The following RAB3C variants were observed in gnomAD, a reference collection of about 807,000 sequenced individuals.
RAB3C encodes the protein RAB3C, member RAS oncogene family, also known as ras-related protein Rab-3C.
Under a neutral mutation model 26.4 loss-of-function variants are expected in RAB3C, and 17 were observed. The observed-to-expected ratio is 0.64, with a 90% confidence interval of 0.44 to 0.97. RAB3C has a LOEUF of 0.97. Ranked by LOEUF, RAB3C falls within the 50% of genes least tolerant of loss-of-function variation. The probability of loss-of-function intolerance (pLI) is 0.00; values close to 1 mark genes in which losing one functional copy is unlikely to be tolerated. For missense variants in RAB3C, 242 were observed against 281.9 expected (o/e 0.86, Z 1.01); for synonymous variants, 91 against 95.9 (o/e 0.95, Z 0.30).
chr5:58,757,803 C>T (rs1159704426), intron 3 of RAB3C, among the ~76,000 whole-genome samples: 1 of 152,208 alleles, frequency 6.6e-6, no homozygotes, highest in Non-Finnish European at 1.5e-5. Context: ...CTTGCCTGAT[C>T]TGATCTTTAA....
At chr5:58,650,853 A>C (rs149427861) in intron 2 of RAB3C, among the ~76,000 whole-genome samples, 2 of 152,340 alleles carry the variant, frequency 1.3e-5, no homozygotes, top group African/African-American at 4.8e-5. Context: ...TCCGGTAAGA[A>C]AATATACAAG....
chr5:58,850,160 A>G (rs1428131744), intron 4 of RAB3C, among the ~76,000 whole-genome samples: 1 of 152,200 alleles, frequency 6.6e-6, no homozygotes, highest in Admixed American at 6.5e-5. Flanking sequence ...AATGCAAACA[A>G]TAGAGTGATA....
At position 58,664,771 on chromosome 5, in the gene RAB3C, C is replaced by G. The variant is rs180707512; in HGVS notation, c.252+46901C>G. Among the ~76,000 whole-genome samples, 8 of 152,022 alleles carry G rather than the reference C, an allele frequency of 5.3e-5. No individual in the cohort carries two copies. The East Asian group carries it at 1.5e-3, about 29-fold the overall frequency. ...CTCCTGCAAACCATCTAGTAGCTTC[C>G]CATAATATACTAAGAATCCAAAACT... is the stretch of plus-strand genomic sequence containing the variant. On this transcript the variant is annotated intron_variant, in intron 2 of 4. Coordinates refer to ENST00000282878, the MANE Select transcript of RAB3C (RefSeq NM_138453.4).
chr5:58,642,420 C>T (rs1233213829), intron 2 of RAB3C, among the ~76,000 whole-genome samples: 1 of 152,196 alleles, frequency 6.6e-6, no homozygotes, highest in East Asian at 1.9e-4. Context: ...CGACTACTCT[C>T]CTCACATTCA....
At chr5:58,829,671 A>C (rs1579942364) in intron 4 of RAB3C, among the ~76,000 whole-genome samples, 1 of 152,316 alleles carries the variant, frequency 6.6e-6, no homozygotes, top group East Asian at 1.9e-4. Context: ...TTTCTTCCTA[A>C]AACAAGTAAC....
chr5:58,778,041 G>A (rs1328563378), intron 3 of RAB3C, among the ~76,000 whole-genome samples: 2 of 152,044 alleles, frequency 1.3e-5, no homozygotes, highest in African/African-American at 4.8e-5. Flanking sequence ...GTGCTCATTT[G>A]ATGTTTGATG....
intron 2 of RAB3C, among the ~76,000 whole-genome samples, chr5:58,634,676 TA>T (rs1222633871): frequency 6.6e-6 from 1 of 152,202 alleles, no homozygotes; most frequent in Non-Finnish European, 1.5e-5. Flanking sequence ...ATAAAACTAC[TA>T]AATCAGAGTG....
At chr5:58,758,102 C>T (rs1019859829) in intron 3 of RAB3C, among the ~76,000 whole-genome samples, 15 of 152,166 alleles carry the variant, frequency 9.9e-5, no homozygotes, top group African/African-American at 9.6e-5. Context: ...CCACCACGCC[C>T]GGCTAATTTT....
chr5:58,647,241 T>G (rs1747539354), intron 2 of RAB3C, among the ~76,000 whole-genome samples: 1 of 152,150 alleles, frequency 6.6e-6, no homozygotes, highest in South Asian at 2.1e-4. Context: ...GTAATTTTAT[T>G]AAGGAAAAAG....
At chr5:58,784,848 G>A (rs1216004006) in intron 3 of RAB3C, 1 of 152,210 alleles carries the variant, frequency 6.6e-6, no homozygotes, top group Non-Finnish European at 1.5e-5. Context: ...CAGATCTAAA[G>A]GAAAGCACGG....
At chr5:58,652,816 A>G (rs1206499723) in intron 2 of RAB3C, among the ~76,000 whole-genome samples, 2 of 152,044 alleles carry the variant, frequency 1.3e-5, no homozygotes, top group Non-Finnish European at 2.9e-5. Flanking sequence ...AGTATTTGGA[A>G]GGATACTATT....
intron 2 of RAB3C, among the ~76,000 whole-genome samples, chr5:58,646,630 G>T (rs1747526323): frequency 6.6e-6 from 1 of 152,158 alleles, no homozygotes. Context: ...GGTGGGGAGT[G>T]CTGTACGTGG....
chr5:58,737,211 G>A (rs184381926), intron 3 of RAB3C, among the ~76,000 whole-genome samples: 143 of 151,702 alleles, frequency 9.4e-4, no homozygotes, highest in African/African-American at 3.3e-3. Context: ...CTACCTGGAA[G>A]TTTTTTCCCT....
chr5:58,693,987 G>C (rs569418774), intron 2 of RAB3C, among the ~76,000 whole-genome samples: 92 of 152,094 alleles, frequency 6.0e-4, no homozygotes, highest in African/African-American at 2.1e-3. Context: ...CAACATGCAG[G>C]TTTGATACGT....
chr5:58,796,595 T>C (rs1391105329), intron 3 of RAB3C, among the ~76,000 whole-genome samples: 2 of 152,116 alleles, frequency 1.3e-5, no homozygotes, highest in Non-Finnish European at 1.5e-5. Flanking sequence ...GGCAGGAATA[T>C]AAAAATGGGA....
chr5:58,663,562 C>G (rs1245015467), intron 2 of RAB3C, among the ~76,000 whole-genome samples: 1 of 150,086 alleles, frequency 6.7e-6, no homozygotes, highest in African/African-American at 2.5e-5. Context: ...AAGATTTATT[C>G]AAATGTAACT....
intron 3 of RAB3C, among the ~76,000 whole-genome samples, chr5:58,761,398 C>A (rs1741795052): frequency 6.6e-6 from 1 of 152,010 alleles, no homozygotes; most frequent in African/African-American, 2.4e-5. Context: ...ATTTGCTATC[C>A]CACAAATATT....
At chr5:58,820,103 T>C (rs61521434) in intron 3 of RAB3C, among the ~76,000 whole-genome samples, 45,681 of 151,794 alleles carry the variant, frequency 0.3, 7,014 homozygotes, top group Non-Finnish European at 0.32. Context: ...ATGACCATCA[T>C]TTTACATTTT....
chr5:58,783,904 C>A (rs1447176328), intron 3 of RAB3C, among the ~76,000 whole-genome samples: 1 of 152,110 alleles, frequency 6.6e-6, no homozygotes, highest in Non-Finnish European at 1.5e-5. Context: ...CATTTTCCTG[C>A]CCCTATAACC....
Sources: gnomAD v4.1 joint callset for allele counts (sites outside exome capture counted in the v4.1 genomes callset) on GRCh38, gnomAD v4.1.1 for gene constraint, MANE v1.5 for transcripts, NCBI Gene and HGNC (gene_info 2026-07-23, HGNC 2026-07-21) for gene names.